The following SDHC variants were observed in gnomAD, a reference collection of about 807,000 sequenced individuals.
SDHC encodes succinate dehydrogenase cytochrome b560 subunit, mitochondrial.
In SDHC, 11 loss-of-function variants were observed where a neutral mutation model predicts 22.6. The ratio of observed to expected loss-of-function variants is 0.49; its 90% CI spans 0.31 to 0.81. SDHC has a LOEUF of 0.81. Ranked by LOEUF, SDHC falls within the 30% of genes least tolerant of loss-of-function variation. SDHC has a pLI of 0.05. For missense variants in SDHC, 160 were observed against 212.0 expected (o/e 0.75, Z 1.52); for synonymous variants, 80 against 77.8 (o/e 1.03, Z -0.15).
chr1:161,328,808 C>T (rs1419922067), intron 3 of SDHC, among the ~76,000 whole-genome samples: 1 of 152,104 alleles, frequency 6.6e-6, no homozygotes, highest in Middle Eastern at 3.2e-3. Context: ...TTCAAATTTA[C>T]ATAAACGTTG....
intron 4 of SDHC, among the ~76,000 whole-genome samples, chr1:161,351,017 A>G (rs990342142): frequency 2.0e-5 from 3 of 152,152 alleles, no homozygotes; most frequent in Non-Finnish European, 4.4e-5. Flanking sequence ...AGGCCAAGGA[A>G]CCAAATATTC....
chr1:161,331,451 AGACATGG>A (rs1671268430), intron 3 of SDHC, among the ~76,000 whole-genome samples: 1 of 151,848 alleles, frequency 6.6e-6, no homozygotes. Flanking sequence ...ATTTTTTTAT[AGACATGG>A]TGTATCACCA....
At chr1:161,340,413 T>A (rs1431913013) in intron 3 of SDHC, among the ~76,000 whole-genome samples, 181 bp from the exon 4 acceptor site, 2 of 151,474 alleles carry the variant, frequency 1.3e-5, no homozygotes. Context: ...GAAGTGGAGG[T>A]TGCAGTGAGC....
Position 161,328,494 on chromosome 1 carries a change from A to C in SDHC, c.176A>C (p.Tyr59Ser). 2 of 1,593,932 alleles carry C rather than the reference A, an allele frequency of 1.3e-6. No individual in the cohort carries two copies. Among genetic ancestry groups the C allele is most frequent in the Non-Finnish European group, 1.7e-6 (2 of 1,161,598 alleles). Reference sequence around the variant, plus strand: ...CCTCTGTCTCCCCACATTACTATCTACAGGTAAGGAAGGATTCTGGAGCCA... The same window carrying C: ...CCTCTGTCTCCCCACATTACTATCTCCAGGTAAGGAAGGATTCTGGAGCCA... ...NRPLSPHITI[Y>S]SWSLPMAMSI... is the part of the protein sequence containing the mutation. The change falls in exon 3 of 6, where the codon TAC becomes TCC. Residue 59 changes from tyrosine (Y) to serine (S), a missense_variant. Around this residue, in one of 2 missense-constraint regions of SDHC, gnomAD observed 86 missense variants for 83.4 expected, o/e 1.03. Transcript: ENST00000367975.
chr1:161,361,191 C>T (rs568996630), intron 5 of SDHC, among the ~76,000 whole-genome samples: 6 of 151,748 alleles, frequency 4.0e-5, no homozygotes, highest in South Asian at 4.2e-4. Context: ...AATGAGACCC[C>T]GTTCTCCACA....
At chr1:161,315,523 C>A (rs1670576587) in intron 1 of SDHC, among the ~76,000 whole-genome samples, 2 of 152,134 alleles carry the variant, frequency 1.3e-5, no homozygotes, top group South Asian at 2.1e-4. Context: ...CTTTTGAATT[C>A]TCTGATATAT....
At chr1:161,347,410 T>G (rs1671938540) in intron 4 of SDHC, among the ~76,000 whole-genome samples, 1 of 151,836 alleles carries the variant, frequency 6.6e-6, no homozygotes, top group African/African-American at 2.4e-5. Flanking sequence ...CCTGCCACCA[T>G]GCCAAACTAA....
chr1:161,345,869 G>A (rs185265262), intron 4 of SDHC, among the ~76,000 whole-genome samples: 202 of 151,996 alleles, frequency 1.3e-3, no homozygotes, highest in African/African-American at 4.3e-3. Flanking sequence ...GCAGTGGCGC[G>A]ATCTCAGCTC....
chr1:161,323,791 GT>G, intron 2 of SDHC, 121 bp downstream of exon 2: 1 of 658,954 alleles, frequency 1.5e-6, no homozygotes, highest in South Asian at 1.7e-5. Flanking sequence ...CGCCTCTTGG[GT>G]TCACGCCATT....
chr1:161,321,149 T>G (rs1442551206), intron 1 of SDHC, among the ~76,000 whole-genome samples: 1 of 152,228 alleles, frequency 6.6e-6, no homozygotes, highest in Non-Finnish European at 1.5e-5. Context: ...TACTTCCCAA[T>G]GTTATTTTTA....
At chr1:161,345,179 C>T (rs1037974430) in intron 4 of SDHC, among the ~76,000 whole-genome samples, 3 of 152,192 alleles carry the variant, frequency 2.0e-5, no homozygotes, top group Non-Finnish European at 4.4e-5. Context: ...TGTTTGAACT[C>T]ATTGGAACAG....
chr1:161,321,427 G>A (rs944800625), intron 1 of SDHC, among the ~76,000 whole-genome samples: 8 of 152,138 alleles, frequency 5.3e-5, no homozygotes, highest in Non-Finnish European at 8.8e-5. Flanking sequence ...TATTTGTCTG[G>A]GAAACAATAG....
intron 3 of SDHC, 68 bp from the exon 4 acceptor site, chr1:161,340,526 C>T: frequency 1.4e-6 from 2 of 1,385,210 alleles, no homozygotes; most frequent in Non-Finnish European, 2.0e-6. Context: ...ATATTTTTGC[C>T]AAGATAGACT....
chr1:161,354,868 A>G (rs1470463034), intron 4 of SDHC, among the ~76,000 whole-genome samples: 15 of 151,524 alleles, frequency 9.9e-5, no homozygotes, highest in Middle Eastern at 3.4e-3. Flanking sequence ...CGCCACCACA[A>G]CTGGCTCATT....
At chr1:161,331,882 A>T (rs1478937775) in intron 3 of SDHC, among the ~76,000 whole-genome samples, 1 of 152,198 alleles carries the variant, frequency 6.6e-6, no homozygotes, top group East Asian at 1.9e-4. Flanking sequence ...GGCATGAGCC[A>T]CCGCGCCTGG....
intron 3 of SDHC, among the ~76,000 whole-genome samples, chr1:161,329,639 T>C (rs1310401650): frequency 6.6e-6 from 1 of 152,236 alleles, no homozygotes; most frequent in Admixed American, 6.5e-5. Context: ...GTCCCTGTAT[T>C]TGTTTTCTAT....
intron 4 of SDHC, among the ~76,000 whole-genome samples, chr1:161,355,481 T>C (rs1672238360): frequency 6.6e-6 from 1 of 152,240 alleles, no homozygotes; most frequent in South Asian, 2.1e-4. Context: ...TGTTTTTTCT[T>C]TTGTCATTTA....
chr1:161,353,180 G>T (rs998145792), intron 4 of SDHC, among the ~76,000 whole-genome samples: 3 of 152,064 alleles, frequency 2.0e-5, no homozygotes, highest in Non-Finnish European at 4.4e-5. Flanking sequence ...TTTGACTCTC[G>T]TAGGTCATTT....
intron 2 of SDHC, among the ~76,000 whole-genome samples, chr1:161,326,307 G>A (rs1671046015): frequency 6.6e-6 from 1 of 151,910 alleles, no homozygotes. Flanking sequence ...GGAGGAACAT[G>A]TTTTCCTAAT....
Sources: gnomAD v4.1 joint callset for allele counts (sites outside exome capture counted in the v4.1 genomes callset) on GRCh38, gnomAD v4.1.1 for gene constraint, gnomAD v4.1.1 regional missense constraint, MANE v1.5 for transcripts, NCBI Gene and HGNC (gene_info 2026-07-23, HGNC 2026-07-21) for gene names.